Variants in DLG4 observed in about 807,000 individuals in gnomAD.
DLG4 encodes the protein disks large homolog 4.
A neutral mutation model predicts 93.8 loss-of-function variants in DLG4; 7 were observed. The ratio of observed to expected loss-of-function variants is 0.07; its 90% CI spans 0.04 to 0.14. The LOEUF (loss-of-function observed/expected upper bound fraction) is 0.14. Among genes scored for constraint, DLG4 ranks in the 10% least tolerant of loss-of-function variants. DLG4 has a pLI of 1.00. For missense variants in DLG4, 545 were observed against 992.9 expected (o/e 0.55, Z 6.06); for synonymous variants, 341 against 387.6 (o/e 0.88, Z 1.41).
intron 8 of DLG4, among the ~76,000 whole-genome samples, chr17:7,199,904 C>G (rs891683708): frequency 6.6e-4 from 99 of 149,016 alleles, no homozygotes; most frequent in Admixed American, 2.9e-3. Flanking sequence ...GGCATGAACC[C>G]GGGAGGCGGA....
chr17:7,191,672 G>GC lies in DLG4; in HGVS notation c.1976+220dup, dbSNP rs745908804. The GC allele has an allele frequency of 1.2e-5, 7 of 582,968 alleles. 1 individual carries two copies. The highest frequency in any genetic ancestry group is 4.8e-5 in the South Asian group (2 of 41,850). The allele number at this position is 582,968 out of a possible 1,614,324, so 36.1% of individuals were successfully genotyped here. ...GGCCCTGACTCGCCCCAGCTGGTAT[G>GC]CCCCAGGGGCTGCTGGGAAATGTAG... On this transcript the variant is annotated intron_variant, in intron 18 of 19. Coordinates refer to ENST00000399506, the MANE Select transcript of DLG4 (RefSeq NM_001321075.3). The surrounding 1 kb of genome is among the most constrained non-coding windows in gnomAD (Gnocchi z 6.6).
rs371847049 is a variant in DLG4, at chr17:7,203,999, C to T, written c.210+9G>A. On this transcript the variant is annotated intron_variant, in intron 4 of 19. Coordinates refer to ENST00000399506, the MANE Select transcript of DLG4 (RefSeq NM_001321075.3). The surrounding 1 kb of genome is among the most constrained non-coding windows in gnomAD (Gnocchi z 7.2). ...GCCACGGGGACTGCCGATGGAGGAGCCTGCTCACCCTTTCCAATGTGATTT... is the reference window on the plus strand; with the variant it reads ...GCCACGGGGACTGCCGATGGAGGAGTCTGCTCACCCTTTCCAATGTGATTT... 1 of 1,610,846 alleles carries T rather than the reference C, an allele frequency of 6.2e-7. No individual in the cohort carries two copies.
upstream of DLG4, chr17:7,217,672 T>TGG (rs371507899): frequency 1.1e-4 from 127 of 1,146,136 alleles, no homozygotes; most frequent in Non-Finnish European, 1.3e-4. Flanking sequence ...GGAGCCAGAA[T>TGG]GGGGGGGGTG....
upstream of DLG4, chr17:7,218,833 C>T (rs1198678168): frequency 6.2e-7 from 1 of 1,613,880 alleles, no homozygotes; most frequent in East Asian, 2.2e-5. Flanking sequence ...TTTTTCACCT[C>T]TTGGTCTCTG....
Position 7,217,261 on chromosome 17 carries a change from G to T in DLG4, c.-114C>A. On this transcript the variant is annotated 5_prime_UTR_variant, in exon 1 of 20. Transcript: ENST00000399506. Reference sequence around the variant, plus strand: ...CCTCCGCACCCCACTTTTGCAGGGGGGGCCAGGATGGGGGGAGGGGTGAGA... The same window carrying T: ...CCTCCGCACCCCACTTTTGCAGGGGTGGCCAGGATGGGGGGAGGGGTGAGA... 1 of 1,245,846 alleles carries T rather than the reference G, an allele frequency of 8.0e-7. No homozygotes were observed. The highest frequency in any genetic ancestry group is 1.0e-6 in the Non-Finnish European group (1 of 983,480). The allele number at this position is 1,245,846 out of a possible 1,614,324, so 77.2% of individuals were successfully genotyped here. A position where few individuals can be genotyped will look rare whatever the true frequency, so the allele number is the denominator to read the frequency against.
Position 7,190,684 on chromosome 17 carries a change from G to A in DLG4, c.*24C>T. On this transcript the variant is annotated 3_prime_UTR_variant, in exon 20 of 20. Coordinates refer to ENST00000399506, the MANE Select transcript of DLG4 (RefSeq NM_001321075.3). Reference sequence around the variant, plus strand: ...GGCCCAGGTGATGGAGGCAGGGCGAGTCCAGGCCAAGCCAGGGCAGGAATC... The same window carrying A: ...GGCCCAGGTGATGGAGGCAGGGCGAATCCAGGCCAAGCCAGGGCAGGAATC... 6.3e-7 allele frequency: 1 copy of A among 1,599,302 alleles called. No individual in the cohort carries two copies. The highest frequency in any genetic ancestry group is 8.6e-7 in the Non-Finnish European group (1 of 1,166,568).
rs773334832 is a variant in DLG4, at chr17:7,190,767, G to A, written c.2116C>T (p.Arg706Cys). 5 of 1,613,440 alleles carry A rather than the reference G, an allele frequency of 3.1e-6. No individual in the cohort carries two copies. The highest frequency in any genetic ancestry group is 2.2e-5 in the South Asian group (2 of 91,070). Residue 706 changes from arginine to cysteine, a missense_variant, in exon 20 of 20, where the codon CGT becomes TGT. Around this residue, in one of 5 missense-constraint regions of DLG4, gnomAD observed 428 missense variants for 741.4 expected, o/e 0.58. Transcript: ENST00000399506. ...SFEEIYHKVK[R>C]VIEDLSGPYI... ...GGGCCTGAGAGGTCCTCGATGACAC[G>A]CTTCACCTTGTGGTAGATCTCCTCA... is the stretch of plus-strand genomic sequence containing the variant.
chr17:7,191,220 G>T lies in DLG4; in HGVS notation c.2068+47C>A. On this transcript the variant is annotated intron_variant, in intron 19 of 19. Transcript: ENST00000399506. This position sits in a 1 kb window ranked among gnomAD's most constrained non-coding sequence, Gnocchi z 6.6. ...GTGGCGGGGGAGCTCTTTCTAATCC[G>T]AGCAAGGGCACCCTACATGCTGGCA... 1 of 1,586,686 alleles carries T rather than the reference G, an allele frequency of 6.3e-7. No homozygotes were observed. Among genetic ancestry groups the T allele is most frequent in the South Asian group, 1.1e-5 (1 of 90,386 alleles).
intron 1 of DLG4, among the ~76,000 whole-genome samples, chr17:7,214,434 T>C (rs1170088246): frequency 1.3e-5 from 2 of 151,982 alleles, no homozygotes; most frequent in Admixed American, 6.5e-5. Flanking sequence ...CACGCCTCCG[T>C]CCACTTCCCG....
rs2142895379 is a variant in DLG4 at position 7,205,417 on chromosome 17, C to A, written c.97-1165G>T. On this transcript the variant is annotated intron_variant, in intron 2 of 19. Transcript: ENST00000399506. ...GGGGGAGGCCGCCAAGAGCCTCCTT[C>A]CGGGGTCCCCAACCTACTTCCTCCT... 3.3e-5 allele frequency among the ~76,000 whole-genome samples: 5 copies of A among 152,276 alleles called. 1 individual carries two copies. In the East Asian group the frequency reaches 9.7e-4, roughly 29 times the overall value.
In DLG4 at chr17:7,194,704, C is replaced by T. The variant is rs1486218554; in HGVS notation, c.1302-209G>A. Among the ~76,000 whole-genome samples the T allele has an allele frequency of 6.6e-6, 1 of 152,188 alleles. No individual in the cohort carries two copies. The highest frequency in any genetic ancestry group is 1.5e-5 in the Non-Finnish European group (1 of 68,038). On this transcript the variant is annotated intron_variant, in intron 11 of 19. Transcript: ENST00000399506. This position sits in a 1 kb window ranked among gnomAD's most constrained non-coding sequence, Gnocchi z 4.4. The stretch of plus-strand genomic sequence containing the variant: ...ACTCAGTCCACACTGAGCACAGTTT[C>T]CAGAGGCAGGGCTTGAACTTGACCC...
Position 7,193,480 on chromosome 17 carries a change from C to T in DLG4, c.1693+3G>A. The T allele has an allele frequency of 1.3e-6, 2 of 1,531,088 alleles. No individual in the cohort carries two copies. The highest frequency in any genetic ancestry group is 1.7e-6 in the Non-Finnish European group (2 of 1,145,316). 94.8% of individuals were successfully genotyped at this position (1,531,088 alleles called of 1,614,324 possible). On this transcript the variant is annotated splice_donor_region_variant and intron_variant, in intron 16 of 19. Coordinates refer to ENST00000399506, the MANE Select transcript of DLG4 (RefSeq NM_001321075.3). The surrounding 1 kb of genome is among the most constrained non-coding windows in gnomAD (Gnocchi z 6.7). Reference sequence around the variant, plus strand: ...CTCCTCCATCCAAGGCCCCAGCACTCACGGGGAACACAGGATCCAAACTTG... The same window carrying T: ...CTCCTCCATCCAAGGCCCCAGCACTTACGGGGAACACAGGATCCAAACTTG...
rs1035933832 is a variant in DLG4 at position 7,208,581 on chromosome 17, G to A, written c.31-342C>T. Among the ~76,000 whole-genome samples, 5 of 152,006 alleles carry A rather than the reference G, an allele frequency of 3.3e-5. No individual in the cohort carries two copies. The East Asian group carries it at 9.7e-4, about 29-fold the overall frequency. On this transcript the variant is annotated intron_variant, in intron 1 of 19. Coordinates refer to ENST00000399506, the MANE Select transcript of DLG4 (RefSeq NM_001321075.3). The surrounding 1 kb of genome is among the most constrained non-coding windows in gnomAD (Gnocchi z 5.4). ...CTTTCCCCACCACCTTCATCTTCGA[G>A]TCCCTCCAGCTTCTCAGAGCTCTAG...
At chr17:7,215,859 AC>A (rs1465190760) in intron 1 of DLG4, among the ~76,000 whole-genome samples, 1 of 105,170 alleles carries the variant, frequency 9.5e-6, no homozygotes, top group Non-Finnish European at 1.9e-5. Flanking sequence ...ACTCACCCGG[AC>A]CCCGCCTCCC....
chr17:7,201,123 C>G (rs1013269117), intron 8 of DLG4, among the ~76,000 whole-genome samples: 1 of 152,170 alleles, frequency 6.6e-6, no homozygotes, highest in Non-Finnish European at 1.5e-5. Context: ...CTTGGCCTCC[C>G]AAAGTGTTGG....
At chr17:7,198,972 C>G (rs1255544839) in intron 8 of DLG4, among the ~76,000 whole-genome samples, 1 of 151,272 alleles carries the variant, frequency 6.6e-6, no homozygotes, top group Admixed American at 6.6e-5. Context: ...GCCAAGATCA[C>G]ACCACTGCAC....
chr17:7,195,840 G>A lies in DLG4; in HGVS notation c.1301+380C>T, dbSNP rs1276222193. Among the ~76,000 whole-genome samples the A allele has an allele frequency of 6.6e-6, 1 of 152,194 alleles. No individual in the cohort carries two copies. Among genetic ancestry groups the A allele is most frequent in the Non-Finnish European group, 1.5e-5 (1 of 68,040 alleles). ...CGGGGGCAGGCACCACAGAGCTGCG[G>A]CCCACGTCTCCGGGACTGCCCACAG... On this transcript the variant is annotated intron_variant, in intron 11 of 19. Coordinates refer to ENST00000399506, the MANE Select transcript of DLG4 (RefSeq NM_001321075.3). This position sits in a 1 kb window ranked among gnomAD's most constrained non-coding sequence, Gnocchi z 4.3.
At position 7,187,439 on chromosome 17, in the gene DLG4, G is replaced by A. The variant is rs1017595659; in HGVS notation, c.*3269C>T. Among the ~76,000 whole-genome samples, 9 of 151,536 alleles carry A rather than the reference G, an allele frequency of 5.9e-5. No individual in the cohort carries two copies. Among genetic ancestry groups the A allele is most frequent in the East Asian group, 1.9e-4 (1 of 5,166 alleles). Reference sequence around the variant, plus strand: ...CATGCACCTGTAATCCCAGCTACTCGGGAGGCTGAGGCAGGAGAATAGCTT... The same window carrying A: ...CATGCACCTGTAATCCCAGCTACTCAGGAGGCTGAGGCAGGAGAATAGCTT... On this transcript the variant is annotated 3_prime_UTR_variant, in exon 20 of 20. Transcript: ENST00000399506.
chr17:7,219,008 C>T, upstream of DLG4: 1 of 737,178 alleles, frequency 1.4e-6, no homozygotes. Context: ...CACCATCTTG[C>T]TCCACACACC....
Sources: gnomAD v4.1 joint callset for allele counts (sites outside exome capture counted in the v4.1 genomes callset) on GRCh38, gnomAD v4.1.1 for gene constraint, gnomAD v4.1.1 regional missense constraint, Gnocchi (gnomAD v3.1) non-coding constraint, MANE v1.5 for transcripts, NCBI Gene and HGNC (gene_info 2026-07-23, HGNC 2026-07-21) for gene names.